The following PEBP4 variants were observed in gnomAD, a reference collection of about 807,000 sequenced individuals.
The protein encoded by PEBP4 is phosphatidylethanolamine-binding protein 4.
Under a neutral mutation model 23.9 loss-of-function variants are expected in PEBP4, and 22 were observed. That is an observed-to-expected ratio of 0.92 (90% CI 0.66 to 1.31). The LOEUF (loss-of-function observed/expected upper bound fraction) is 1.31, where lower values mean the gene tolerates loss of function less well. Ranked by LOEUF, PEBP4 falls within the 40% of genes most tolerant of loss-of-function variation. PEBP4 has a pLI of 0.00. For missense variants in PEBP4, 324 were observed against 281.7 expected, an observed-to-expected ratio of 1.15 and a Z score of -1.07; for synonymous variants, 112 against 99.3, an observed-to-expected ratio of 1.13 and a Z score of -0.76.
At chr8:22,822,021 C>T (rs553983096) in intron 3 of PEBP4, among the ~76,000 whole-genome samples, 4 of 148,548 alleles carry the variant, frequency 2.7e-5, no homozygotes, top group African/African-American at 7.4e-5. Flanking sequence ...GAAGAGAGTT[C>T]GGAAGAGAGC....
At chr8:22,780,825 G>A (rs980557936) in intron 4 of PEBP4, among the ~76,000 whole-genome samples, 1 of 152,194 alleles carries the variant, frequency 6.6e-6, no homozygotes, top group Non-Finnish European at 1.5e-5. Flanking sequence ...AGTCTCTAGG[G>A]TTGCTTCTGG....
At chr8:22,905,245 T>C (rs1293345507) in intron 3 of PEBP4, among the ~76,000 whole-genome samples, 1 of 152,146 alleles carries the variant, frequency 6.6e-6, no homozygotes, top group Non-Finnish European at 1.5e-5. Flanking sequence ...TTAATGAACT[T>C]TCTTCTTTCT....
At chr8:22,783,510 C>G (rs2128755626) in intron 4 of PEBP4, among the ~76,000 whole-genome samples, 1 of 152,324 alleles carries the variant, frequency 6.6e-6, no homozygotes, top group South Asian at 2.1e-4. Context: ...TGGCGGTGGC[C>G]AGGTGCTCAG....
At chr8:22,790,924 T>C (rs530835299) in intron 4 of PEBP4, among the ~76,000 whole-genome samples, 214 of 152,330 alleles carry the variant, frequency 1.4e-3, no homozygotes, top group Admixed American at 2.5e-3. Context: ...GGCACTGGGC[T>C]CTGTGAGTAA....
At chr8:22,873,287 A>G (rs188856049) in intron 3 of PEBP4, among the ~76,000 whole-genome samples, 43 of 152,296 alleles carry the variant, frequency 2.8e-4, no homozygotes, top group African/African-American at 9.6e-4. Context: ...CTTAGGAGAC[A>G]ACTTTATATT....
At chr8:22,749,805 C>CTTTGTTTTTTTTTTTTTTTTTTT (rs1805209311) in intron 4 of PEBP4, among the ~76,000 whole-genome samples, 1 of 83,762 alleles carries the variant, frequency 1.2e-5, no homozygotes, top group Non-Finnish European at 2.4e-5. Context: ...GTTTGTCATT[C>CTTTGTTTTTTTTTTTTTTTTTTT]TTTTTTTTTT....
At chr8:22,739,948 GC>G in intron 4 of PEBP4, among the ~76,000 whole-genome samples, 1 of 152,344 alleles carries the variant, frequency 6.6e-6, no homozygotes, top group East Asian at 1.9e-4. Context: ...CTCGACTGTG[GC>G]TCTTTGGGGA....
At chr8:22,840,530 C>T (rs1323890624) in intron 3 of PEBP4, among the ~76,000 whole-genome samples, 2 of 151,946 alleles carry the variant, frequency 1.3e-5, no homozygotes, top group African/African-American at 4.8e-5. Flanking sequence ...ACATAAGCCA[C>T]CGTGCCCAGC....
intron 3 of PEBP4, among the ~76,000 whole-genome samples, chr8:22,898,816 A>T (rs1236529600): frequency 6.6e-6 from 1 of 152,152 alleles, no homozygotes; most frequent in Non-Finnish European, 1.5e-5. Flanking sequence ...CGGGATGATA[A>T]AGGGGTGAAT....
intron 4 of PEBP4, among the ~76,000 whole-genome samples, chr8:22,783,276 T>C (rs1805964136): frequency 6.6e-6 from 1 of 152,246 alleles, no homozygotes; most frequent in South Asian, 2.1e-4. Context: ...TGTGTTTTCA[T>C]TCTGTGTTCC....
At chr8:22,849,653 G>A (rs57139914) in intron 3 of PEBP4, among the ~76,000 whole-genome samples, 5,681 of 152,270 alleles carry the variant, frequency 0.037, 218 homozygotes, top group African/African-American at 0.092. Context: ...TGCTGCTGTC[G>A]CATTCTCTGA....
chr8:22,906,095 A>C (rs551311222), intron 3 of PEBP4, among the ~76,000 whole-genome samples: 3 of 152,252 alleles, frequency 2.0e-5, no homozygotes, highest in Non-Finnish European at 4.4e-5. Flanking sequence ...AGGTGGAGGA[A>C]CCTGGGGCTC....
At chr8:22,867,134 C>T (rs1026698889) in intron 3 of PEBP4, among the ~76,000 whole-genome samples, 5 of 152,170 alleles carry the variant, frequency 3.3e-5, no homozygotes, top group African/African-American at 1.2e-4. Context: ...TAAAATCTGC[C>T]CTTTCCCTTG....
At chr8:22,725,999 A>ATGTGTGTGTGTGTGTGTGTG (rs10680983) in intron 5 of PEBP4, among the ~76,000 whole-genome samples, 43 of 146,330 alleles carry the variant, frequency 2.9e-4, no homozygotes, top group Non-Finnish European at 6.1e-4. Flanking sequence ...GATCAGATAT[A>ATGTGTGTGTGTGTGTGTGTG]TGTGTGTGTG....
At chr8:22,843,054 C>T (rs926433070) in intron 3 of PEBP4, among the ~76,000 whole-genome samples, 1 of 152,212 alleles carries the variant, frequency 6.6e-6, no homozygotes, top group African/African-American at 2.4e-5. Flanking sequence ...TCTCGAACTC[C>T]TGACCTTAGG....
At chr8:22,910,728 A>C (rs1238895726) in intron 3 of PEBP4, among the ~76,000 whole-genome samples, 1 of 152,246 alleles carries the variant, frequency 6.6e-6, no homozygotes, top group Non-Finnish European at 1.5e-5. Flanking sequence ...ATATTGTATG[A>C]TTCCAACTTT....
chr8:22,728,559 T>TCTTTCTTC (rs1462225042), intron 4 of PEBP4, among the ~76,000 whole-genome samples: 1,934 of 96,116 alleles, frequency 0.02, 26 homozygotes, highest in Middle Eastern at 0.034. Flanking sequence ...TTTCTTTCTT[T>TCTTTCTTC]CTTCCTTCCT....
intron 3 of PEBP4, among the ~76,000 whole-genome samples, chr8:22,883,511 T>C (rs1808307297): frequency 6.7e-6 from 1 of 150,318 alleles, no homozygotes; most frequent in Admixed American, 6.6e-5. Flanking sequence ...ATCTGCACAC[T>C]TAAAAAAAAA....
intron 3 of PEBP4, among the ~76,000 whole-genome samples, chr8:22,880,276 C>T (rs1409318406): frequency 6.6e-6 from 1 of 152,214 alleles, no homozygotes; most frequent in Non-Finnish European, 1.5e-5. Context: ...CCTTAGCCAC[C>T]TCAACTACTG....
Sources: gnomAD v4.1 joint callset for allele counts (sites outside exome capture counted in the v4.1 genomes callset) on GRCh38, gnomAD v4.1.1 for gene constraint, MANE v1.5 for transcripts, NCBI Gene and HGNC (gene_info 2026-07-23, HGNC 2026-07-21) for gene names.